Variants in ITPKB observed in about 807,000 individuals in gnomAD.
The protein encoded by ITPKB is inositol-trisphosphate 3-kinase B.
Under a neutral mutation model 69.4 loss-of-function variants are expected in ITPKB, and 13 were observed. That is an observed-to-expected ratio of 0.19 (90% CI 0.12 to 0.30). The LOEUF (loss-of-function observed/expected upper bound fraction) is 0.30. ITPKB is among the 10% of genes least tolerant of loss of function. ITPKB has a pLI of 1.00. For synonymous variants in ITPKB, 584 were observed against 513.7 expected (o/e 1.14, Z -1.85); for missense variants, 1,240 against 1,250.5 (o/e 0.99, Z 0.13).
chr1:226,702,727 G>C (rs1415066564), intron 2 of ITPKB, among the ~76,000 whole-genome samples: 3 of 152,162 alleles, frequency 2.0e-5, no homozygotes. Flanking sequence ...GTCAGTCTAG[G>C]ACCTGAGTGG....
chr1:226,697,573 C>T (rs1445368837), intron 2 of ITPKB, among the ~76,000 whole-genome samples: 1 of 152,214 alleles, frequency 6.6e-6, no homozygotes, highest in Non-Finnish European at 1.5e-5. Flanking sequence ...CTGGCCATTT[C>T]TTCTGAGGAA....
intron 2 of ITPKB, among the ~76,000 whole-genome samples, chr1:226,693,447 C>T (rs991728168): frequency 2.0e-5 from 3 of 152,144 alleles, no homozygotes; most frequent in African/African-American, 2.4e-5. Context: ...CTACTGGGTC[C>T]GTAGAGATCA....
At chr1:226,659,244 C>T (rs990083307) in intron 2 of ITPKB, among the ~76,000 whole-genome samples, 2 of 152,152 alleles carry the variant, frequency 1.3e-5, no homozygotes, top group African/African-American at 2.4e-5. Context: ...GCCACTCTTC[C>T]TCTTCCACCA....
chr1:226,669,047 T>C (rs1018382161), intron 2 of ITPKB: 1 of 152,212 alleles, frequency 6.6e-6, no homozygotes, highest in Non-Finnish European at 1.5e-5. Context: ...TTCTGGCCAT[T>C]ATCATCATCA....
chr1:226,678,756 C>T (rs1655987883), intron 2 of ITPKB, among the ~76,000 whole-genome samples: 2 of 152,196 alleles, frequency 1.3e-5, no homozygotes, highest in African/African-American at 2.4e-5. Flanking sequence ...GAGCTTTTTA[C>T]GTGGTCTTGA....
chr1:226,674,004 T>A (rs762873054), intron 2 of ITPKB, among the ~76,000 whole-genome samples: 1 of 152,046 alleles, frequency 6.6e-6, no homozygotes, highest in Non-Finnish European at 1.5e-5. Context: ...TCACGGCCCA[T>A]ATATCCTCAA....
chr1:226,683,537 GC>G (rs1416452082), intron 2 of ITPKB, among the ~76,000 whole-genome samples: 1 of 152,034 alleles, frequency 6.6e-6, no homozygotes, highest in Non-Finnish European at 1.5e-5. Context: ...ACCATGCTAT[GC>G]CCCATGACCG....
intron 2 of ITPKB, among the ~76,000 whole-genome samples, chr1:226,719,079 C>T (rs1277836308): frequency 6.6e-6 from 1 of 152,154 alleles, no homozygotes; most frequent in Non-Finnish European, 1.5e-5. Context: ...AGTTTGAGAT[C>T]AGCCTGGGCA....
chr1:226,665,592 C>T (rs1011502136), intron 2 of ITPKB, among the ~76,000 whole-genome samples: 12 of 152,088 alleles, frequency 7.9e-5, no homozygotes, highest in South Asian at 2.1e-4. Context: ...GCGGAGGAAA[C>T]GACAGATCAC....
intron 2 of ITPKB, among the ~76,000 whole-genome samples, chr1:226,721,729 A>C (rs1657248413): frequency 6.6e-6 from 1 of 152,124 alleles, no homozygotes; most frequent in Non-Finnish European, 1.5e-5. Context: ...TCCTGACCTC[A>C]GGTGATCCAC....
At chr1:226,729,907 T>C (rs2102649460) in intron 2 of ITPKB, among the ~76,000 whole-genome samples, 1 of 152,254 alleles carries the variant, frequency 6.6e-6, no homozygotes, top group African/African-American at 2.4e-5. Flanking sequence ...GTTTTTGTTA[T>C]TTTTTAATAG....
chr1:226,708,737 A>G (rs1656872882), intron 2 of ITPKB, among the ~76,000 whole-genome samples: 1 of 152,212 alleles, frequency 6.6e-6, no homozygotes, highest in South Asian at 2.1e-4. Flanking sequence ...CAATGCTAGA[A>G]CTGCCTGTGC....
chr1:226,647,255 C>G lies in ITPKB; in HGVS notation c.2158G>C (p.Val720Leu). Residue 720 changes from valine to leucine, a missense_variant, in exon 4 of 8, where the codon GTG becomes CTG. Physicochemically the swap from Val to Leu is conservative, Grantham distance 32. Around this residue, in one of 2 missense-constraint regions of ITPKB, gnomAD observed 248 missense variants for 396.7 expected, o/e 0.63. Transcript: ENST00000429204. ...TGGTTGTAGCGCTCCCCGTCCTTCA[C>G]CACATCCCCATGGTAGGCAGGTACG... ...PFVPAYHGDVVKDGERYNQMD... is the reference protein window; with the variant it reads ...PFVPAYHGDVLKDGERYNQMD... 1 of 1,614,232 alleles carries G rather than the reference C, an allele frequency of 6.2e-7. No individual in the cohort carries two copies. Among genetic ancestry groups the G allele is most frequent in the Non-Finnish European group, 8.5e-7 (1 of 1,180,032 alleles).
intron 2 of ITPKB, among the ~76,000 whole-genome samples, chr1:226,701,081 G>A (rs1043790944): frequency 6.6e-6 from 1 of 152,178 alleles, no homozygotes; most frequent in African/African-American, 2.4e-5. Context: ...CAATGACACT[G>A]ATTCTAATGC....
At chr1:226,690,531 CCTA>C (rs35067181) in intron 2 of ITPKB, among the ~76,000 whole-genome samples, 27,252 of 151,452 alleles carry the variant, frequency 0.18, 2,468 homozygotes, top group Middle Eastern at 0.33. Flanking sequence ...ACTCACTCCT[CCTA>C]CGTCAAGCAC....
intron 2 of ITPKB, among the ~76,000 whole-genome samples, chr1:226,697,602 A>G (rs919231019): frequency 6.6e-6 from 1 of 152,168 alleles, no homozygotes; most frequent in Admixed American, 6.5e-5. Flanking sequence ...AATCAAACAT[A>G]CCTGATAGGC....
intron 2 of ITPKB, 27 bp from the exon 3 acceptor site, chr1:226,648,798 A>G (rs1303276011): frequency 6.9e-7 from 1 of 1,441,292 alleles, no homozygotes; most frequent in Non-Finnish European, 9.8e-7. Context: ...AAAAAGCTCT[A>G]CATTAGAAAG....
At chr1:226,698,925 G>GA (rs1380035989) in intron 2 of ITPKB, among the ~76,000 whole-genome samples, 1 of 152,260 alleles carries the variant, frequency 6.6e-6, no homozygotes, top group Non-Finnish European at 1.5e-5. Context: ...GGCAGTGCAA[G>GA]AAAGAACTAG....
At chr1:226,675,982 G>C (rs977437848) in intron 2 of ITPKB, 1 of 152,200 alleles carries the variant, frequency 6.6e-6, no homozygotes, top group South Asian at 2.1e-4. Flanking sequence ...AATAACCAAA[G>C]TGGGGGGATC....
Sources: gnomAD v4.1 joint callset for allele counts (sites outside exome capture counted in the v4.1 genomes callset) on GRCh38, gnomAD v4.1.1 for gene constraint, gnomAD v4.1.1 regional missense constraint, MANE v1.5 for transcripts, NCBI Gene and HGNC (gene_info 2026-07-23, HGNC 2026-07-21) for gene names.